The following CYB5D2 variants were observed in gnomAD, a reference collection of about 807,000 sequenced individuals.
The protein encoded by CYB5D2 is neuferricin.
A neutral mutation model predicts 22.8 loss-of-function variants in CYB5D2; 23 were observed. The observed-to-expected ratio is 1.01, with a 90% CI of 0.73 to 1.43. The LOEUF (loss-of-function observed/expected upper bound fraction) is 1.43. Ranked by LOEUF, CYB5D2 falls within the 40% of genes most tolerant of loss-of-function variation. CYB5D2 has a pLI of 0.00. For missense variants in CYB5D2, 373 were observed against 357.2 expected, an observed-to-expected ratio of 1.04 and a Z score of -0.36; for synonymous variants, 170 against 152.2, an observed-to-expected ratio of 1.12 and a Z score of -0.86.
At chr17:4,146,562 T>C (rs932724994) in intron 1 of CYB5D2, among the ~76,000 whole-genome samples, 1 of 152,046 alleles carries the variant, frequency 6.6e-6, no homozygotes, top group Non-Finnish European at 1.5e-5. Flanking sequence ...GGCTAAGTTT[T>C]TGTATTTTTA....
intron 1 of CYB5D2, among the ~76,000 whole-genome samples, chr17:4,146,802 T>C (rs1002551764): frequency 1.3e-5 from 2 of 152,104 alleles, no homozygotes; most frequent in African/African-American, 4.8e-5. Context: ...AGTCACTCCT[T>C]ATTCCTTCCT....
chr17:4,144,069 G>A, intron 1 of CYB5D2, 64 bp downstream of exon 1: 1 of 1,518,282 alleles, frequency 6.6e-7, no homozygotes, highest in Non-Finnish European at 8.8e-7. Flanking sequence ...CCTGCGCGTC[G>A]TTCGTTGGTT....
chr17:4,155,043 G>C (rs4790175), intron 3 of CYB5D2, among the ~76,000 whole-genome samples, 183 bp downstream of exon 3: 1 of 152,032 alleles, frequency 6.6e-6, no homozygotes, highest in Admixed American at 6.6e-5. Context: ...CCGAAATTAC[G>C]GATGGTCAGA....
intron 1 of CYB5D2, among the ~76,000 whole-genome samples, chr17:4,147,053 G>T (rs576315156): frequency 1.4e-4 from 21 of 152,054 alleles, no homozygotes; most frequent in African/African-American, 5.1e-4. Context: ...ATGGATTTTT[G>T]GTTTCTTTCT....
chr17:4,151,284 C>T (rs1239688542), intron 2 of CYB5D2, among the ~76,000 whole-genome samples: 2 of 152,130 alleles, frequency 1.3e-5, no homozygotes, highest in African/African-American at 2.4e-5. Flanking sequence ...AAGGCACTGA[C>T]CTCTACTCAC....
Position 4,157,656 on chromosome 17 carries a change from G to C in CYB5D2, c.*574G>C, listed in dbSNP as rs531442997. The C allele has an allele frequency of 6.4e-6, 1 of 156,360 alleles. No homozygotes were observed. Among genetic ancestry groups the C allele is most frequent in the East Asian group, 1.9e-4 (1 of 5,226 alleles). The allele number at this position is 156,360 out of a possible 1,614,324, so 9.7% of individuals were successfully genotyped here. A position where few individuals can be genotyped will look rare whatever the true frequency, so the allele number is the denominator to read the frequency against. Reference sequence around the variant, plus strand: ...GCTTCCCAGCTCTAACAAGGTAACTGGTTAGCATGACATTAAAGCTTGGGC... The same window carrying C: ...GCTTCCCAGCTCTAACAAGGTAACTCGTTAGCATGACATTAAAGCTTGGGC... On this transcript the variant is annotated 3_prime_UTR_variant, in exon 4 of 4. Transcript: ENST00000301391. This position sits in a 1 kb window ranked among gnomAD's most constrained non-coding sequence, Gnocchi z 4.4.
At chr17:4,154,940 A>C in intron 3 of CYB5D2, 80 bp downstream of exon 3, 1 of 1,404,944 alleles carries the variant, frequency 7.1e-7, no homozygotes. Context: ...TATTCAGTGA[A>C]TTCAGGAATT....
At chr17:4,156,743 C>A in intron 3 of CYB5D2, 123 bp from the exon 4 acceptor site, 1 of 1,065,936 alleles carries the variant, frequency 9.4e-7, no homozygotes, top group Non-Finnish European at 1.4e-6. Context: ...AGCCTGCTGC[C>A]TTGGGAAACA....
At chr17:4,148,803 G>A (rs868225451) in intron 1 of CYB5D2, among the ~76,000 whole-genome samples, 1 of 152,260 alleles carries the variant, frequency 6.6e-6, no homozygotes, top group East Asian at 1.9e-4. Flanking sequence ...CAGCCTGGGC[G>A]ACGAGCAAAA....
At position 4,143,644 on chromosome 17, in the gene CYB5D2, AGAGAGAGAGCGAGAGCGCGCGC is replaced by A. The variant is rs2145652690; in HGVS notation, c.-110_-89del. On this transcript the variant is annotated 5_prime_UTR_variant, in exon 1 of 4. Transcript: ENST00000301391. Reference sequence around the variant, plus strand: ...GAGGGAGCGCGAGCACTAGCGCGCGAGAGAGAGAGCGAGAGCGCGCGCGCCGATGACGTCACGCTCGGCGTCT... The same window carrying A: ...GAGGGAGCGCGAGCACTAGCGCGCGAGCCGATGACGTCACGCTCGGCGTCT... The A allele has an allele frequency of 1.0e-5, 10 of 979,604 alleles. No individual in the cohort carries two copies. The highest frequency in any genetic ancestry group is 1.4e-5 in the Non-Finnish European group (10 of 719,280). 60.7% of individuals were successfully genotyped at this position (979,604 alleles called of 1,614,324 possible).
intron 1 of CYB5D2, among the ~76,000 whole-genome samples, chr17:4,147,450 A>G (rs1196548987): frequency 1.3e-5 from 2 of 152,214 alleles, no homozygotes; most frequent in Non-Finnish European, 2.9e-5. Context: ...GATATTACAC[A>G]ATTAATGTAT....
intron 1 of CYB5D2, among the ~76,000 whole-genome samples, chr17:4,148,507 A>G (rs1470882637): frequency 1.1e-5 from 1 of 94,780 alleles, no homozygotes; most frequent in African/African-American, 3.9e-5. Flanking sequence ...ACAGAGCGAG[A>G]CTCAGTCTCA....
At chr17:4,144,092 A>C (rs1325725247) in intron 1 of CYB5D2, 87 bp downstream of exon 1, 4 of 1,487,682 alleles carry the variant, frequency 2.7e-6, no homozygotes, top group South Asian at 2.7e-5. Context: ...TTATTCATCT[A>C]TTTCCCCCCC....
At chr17:4,146,721 A>G (rs2058996820) in intron 1 of CYB5D2, among the ~76,000 whole-genome samples, 3 of 151,548 alleles carry the variant, frequency 2.0e-5, no homozygotes, top group Admixed American at 1.3e-4. Flanking sequence ...ATAGCCAGAA[A>G]TTTGTAAAAA....
In CYB5D2 at chr17:4,143,623, G is replaced by A. The variant is rs769793120; in HGVS notation, c.-133G>A. On this transcript the variant is annotated 5_prime_UTR_variant, in exon 1 of 4. Coordinates refer to ENST00000301391, the MANE Select transcript of CYB5D2 (RefSeq NM_144611.4). ...ATAAAACGAGAGAGACTAAGGGAGG[G>A]AGCGCGAGCACTAGCGCGCGAGAGA... is the stretch of plus-strand genomic sequence containing the variant. 2 of 1,285,632 alleles carry A rather than the reference G, an allele frequency of 1.6e-6. No individual in the cohort carries two copies. Among genetic ancestry groups the A allele is most frequent in the Middle Eastern group, 2.8e-4 (1 of 3,558 alleles). 79.6% of individuals were successfully genotyped at this position (1,285,632 alleles called of 1,614,324 possible).
chr17:4,146,322 T>C (rs921319510), intron 1 of CYB5D2, among the ~76,000 whole-genome samples: 5 of 152,168 alleles, frequency 3.3e-5, no homozygotes, highest in African/African-American at 4.8e-5. Flanking sequence ...CAGGAAATCC[T>C]GGCCTCATGT....
chr17:4,143,812 G>GC lies in CYB5D2; in HGVS notation c.57_58insC (p.Val20ArgfsTer61). The stretch of plus-strand genomic sequence containing the variant: ...TGGGCCTGGCTGTAGCCGCAGCAGC[G>GC]GTAATGGCAGCACGGCTTATGGGCT... On this transcript the variant is annotated frameshift_variant, in exon 1 of 4. Coordinates refer to ENST00000301391, the MANE Select transcript of CYB5D2 (RefSeq NM_144611.4). LOFTEE classifies it high-confidence loss of function. 6.2e-7 allele frequency: 1 copy of GC among 1,614,172 alleles called. No homozygotes were observed. The highest frequency in any genetic ancestry group is 8.5e-7 in the Non-Finnish European group (1 of 1,180,020).
intron 1 of CYB5D2, among the ~76,000 whole-genome samples, chr17:4,145,389 G>T (rs2058977977): frequency 6.6e-6 from 1 of 152,200 alleles, no homozygotes; most frequent in African/African-American, 2.4e-5. Flanking sequence ...CTTACTCAGG[G>T]GTACACAGTG....
Position 4,156,952 on chromosome 17 carries a change from C to A in CYB5D2, c.665C>A (p.Thr222Asn). 1 of 1,612,848 alleles carries A rather than the reference C, an allele frequency of 6.2e-7. No homozygotes were observed. The change falls in exon 4 of 4, where the codon ACC (threonine) becomes AAC (asparagine). Residue 222 changes from threonine to asparagine, a missense_variant. Physicochemically the swap from Thr to Asn is moderately conservative, Grantham distance 65 (BLOSUM62 0). Transcript: ENST00000301391. ...GAGCCCCGCTGCGTGTGTGTGAGAA[C>A]CACCGGCCCCCCTAGTGGCCAGATG... Reference protein sequence around the residue: ...AKEPRCVCVRTTGPPSGQMPD... With the variant: ...AKEPRCVCVRNTGPPSGQMPD...
Sources: allele counts gnomAD v4.1 joint callset (sites outside exome capture counted in the v4.1 genomes callset), GRCh38; gene constraint gnomAD v4.1.1; non-coding constraint Gnocchi (gnomAD v3.1); transcripts MANE v1.5; gene names NCBI Gene and HGNC (gene_info 2026-07-23, HGNC 2026-07-21).